EHBP1: variants seen among roughly 807,000 people sequenced by gnomAD.
EHBP1 encodes the protein EH domain binding protein 1.
Under a neutral mutation model 144.0 loss-of-function variants are expected in EHBP1, and 55 were observed. That is an observed-to-expected ratio of 0.38 (90% CI 0.31 to 0.48). EHBP1 has a LOEUF of 0.48. Among genes scored for constraint, EHBP1 ranks in the 20% least tolerant of loss-of-function variants. The pLI is 0.98. For missense variants in EHBP1, 1,200 were observed against 1,364.2 expected, an observed-to-expected ratio of 0.88 and a Z score of 1.90; for synonymous variants, 469 against 472.7, an observed-to-expected ratio of 0.99 and a Z score of 0.10.
chr2:62,747,923 G>A (rs1429222390), intron 3 of EHBP1, among the ~76,000 whole-genome samples: 1 of 152,000 alleles, frequency 6.6e-6, no homozygotes, highest in Non-Finnish European at 1.5e-5. Context: ...TGCCACATGA[G>A]GATGCACTAA....
At chr2:62,799,039 T>C (rs2043781054) in intron 5 of EHBP1, among the ~76,000 whole-genome samples, 1 of 149,818 alleles carries the variant, frequency 6.7e-6, no homozygotes, top group Admixed American at 6.6e-5. Flanking sequence ...ATTCATGCTA[T>C]AGGAAATGTC....
At chr2:63,037,125 A>G (rs2061470780) in intron 19 of EHBP1, among the ~76,000 whole-genome samples, 1 of 151,924 alleles carries the variant, frequency 6.6e-6, no homozygotes, top group South Asian at 2.1e-4. Flanking sequence ...CTTTCACACA[A>G]TCTCTGGACT....
At chr2:62,986,436 T>A (rs1003090920) in intron 15 of EHBP1, among the ~76,000 whole-genome samples, 43 of 151,248 alleles carry the variant, frequency 2.8e-4, no homozygotes, top group Non-Finnish European at 8.8e-5. Flanking sequence ...ATCTTGTTTC[T>A]TTTTTCCTTT....
intron 5 of EHBP1, among the ~76,000 whole-genome samples, chr2:62,809,615 G>T (rs1289364405): frequency 6.6e-6 from 1 of 152,076 alleles, no homozygotes; most frequent in Non-Finnish European, 1.5e-5. Flanking sequence ...AGATAGTGAG[G>T]ATAGTACCCA....
At chr2:63,016,356 C>A (rs2060483213) in intron 19 of EHBP1, among the ~76,000 whole-genome samples, 1 of 151,252 alleles carries the variant, frequency 6.6e-6, no homozygotes, top group Non-Finnish European at 1.5e-5. Context: ...AATACAGCAT[C>A]ATTTTCTAAT....
chr2:63,016,935 T>G (rs1378950160), intron 19 of EHBP1, among the ~76,000 whole-genome samples: 1 of 152,182 alleles, frequency 6.6e-6, no homozygotes, highest in Non-Finnish European at 1.5e-5. Context: ...TTTACTGTTG[T>G]TAGCATAACT....
chr2:62,830,902 A>G, intron 6 of EHBP1, 117 bp from the exon 7 acceptor site: 2 of 1,044,420 alleles, frequency 1.9e-6, no homozygotes, highest in Non-Finnish European at 2.7e-6. Flanking sequence ...TGCAACTGAT[A>G]AGAAAGACTT....
chr2:62,756,734 C>G (rs577621351), intron 3 of EHBP1, among the ~76,000 whole-genome samples: 16 of 141,332 alleles, frequency 1.1e-4, no homozygotes, highest in Admixed American at 2.2e-4. Context: ...TGCCATTGCA[C>G]TCCAGCCTGG....
chr2:62,913,116 A>G (rs2054349724), intron 10 of EHBP1, among the ~76,000 whole-genome samples: 2 of 152,220 alleles, frequency 1.3e-5, no homozygotes, highest in African/African-American at 4.8e-5. Context: ...ACTTTTCCCT[A>G]ATCACACCTT....
intron 10 of EHBP1, among the ~76,000 whole-genome samples, chr2:62,899,515 C>A (rs1223922146): frequency 6.6e-6 from 1 of 152,124 alleles, no homozygotes; most frequent in African/African-American, 2.4e-5. Context: ...TACACTCTTG[C>A]CAGAAATTTT....
intron 2 of EHBP1, among the ~76,000 whole-genome samples, chr2:62,726,245 G>A (rs1329732937): frequency 6.6e-6 from 1 of 152,172 alleles, no homozygotes; most frequent in Non-Finnish European, 1.5e-5. Flanking sequence ...CTGCCAACTC[G>A]AGTGTCCATT....
chr2:62,807,794 G>C (rs1828395), intron 5 of EHBP1, among the ~76,000 whole-genome samples: 2 of 152,232 alleles, frequency 1.3e-5, no homozygotes, highest in East Asian at 3.9e-4. Flanking sequence ...CAGAATTCTA[G>C]GTTGGTAGGC....
intron 19 of EHBP1, among the ~76,000 whole-genome samples, chr2:63,019,726 A>AAGGGAAGGGAAGAGG (rs2060626974): frequency 7.0e-6 from 1 of 142,816 alleles, no homozygotes; most frequent in Non-Finnish European, 1.5e-5. Context: ...AAAAGAAAGA[A>AAGGGAAGGGAAGAGG]AGGGAAGGGA....
chr2:62,974,575 A>G (rs1460884654), intron 14 of EHBP1, among the ~76,000 whole-genome samples: 1 of 152,070 alleles, frequency 6.6e-6, no homozygotes, highest in Non-Finnish European at 1.5e-5. Flanking sequence ...TTCTGGATCT[A>G]TTTTGTTGTT....
intron 3 of EHBP1, among the ~76,000 whole-genome samples, chr2:62,757,720 C>A (rs929995742): frequency 1.3e-5 from 2 of 152,084 alleles, no homozygotes; most frequent in African/African-American, 4.8e-5. Context: ...AGACATAAGC[C>A]ACCATGCCCA....
intron 13 of EHBP1, 27 bp downstream of exon 13, chr2:62,949,189 ATATT>A (rs2057246493): frequency 1.3e-6 from 2 of 1,482,560 alleles, no homozygotes; most frequent in East Asian, 2.3e-5. Flanking sequence ...GCTGAATACT[ATATT>A]TAGTAATTAG....
chr2:62,860,218 G>A (rs1284535433), intron 8 of EHBP1, among the ~76,000 whole-genome samples: 4 of 152,104 alleles, frequency 2.6e-5, no homozygotes, highest in African/African-American at 4.8e-5. Context: ...AGCTGGGCAC[G>A]GTGGCTCACG....
chr2:62,863,840 GTTTTTTTTT>G (rs70962797), intron 8 of EHBP1, among the ~76,000 whole-genome samples: 3 of 82,734 alleles, frequency 3.6e-5, no homozygotes, highest in African/African-American at 4.8e-5. Context: ...TTTCTGTGTT[GTTTTTTTTT>G]TTTTTTTTTT....
chr2:62,964,933 A>G (rs1481627834), intron 14 of EHBP1: 1 of 152,618 alleles, frequency 6.6e-6, no homozygotes, highest in Non-Finnish European at 1.5e-5. Flanking sequence ...TTTTTCAGCC[A>G]TTAGTAGATC....
Sources: allele counts gnomAD v4.1 joint callset (sites outside exome capture counted in the v4.1 genomes callset), GRCh38; gene constraint gnomAD v4.1.1; transcripts MANE v1.5; gene names NCBI Gene and HGNC (gene_info 2026-07-23, HGNC 2026-07-21).